The following PHACTR3 variants were observed in gnomAD, a reference collection of about 807,000 sequenced individuals.
PHACTR3 encodes the protein protein phosphatase 1, regulatory subunit 123.
A neutral mutation model predicts 66.8 loss-of-function variants in PHACTR3; 16 were observed. The observed-to-expected ratio is 0.24, with a 90% confidence interval of 0.16 to 0.36. The LOEUF (loss-of-function observed/expected upper bound fraction) is 0.36. Ranked by LOEUF, PHACTR3 falls within the 10% of genes least tolerant of loss-of-function variation. The probability of loss-of-function intolerance (pLI) is 1.00; values close to 1 mark genes in which losing one functional copy is unlikely to be tolerated. For missense variants in PHACTR3, 647 were observed against 719.9 expected, an observed-to-expected ratio of 0.90 and a Z score of 1.16; for synonymous variants, 323 against 292.1, an observed-to-expected ratio of 1.11 and a Z score of -1.08.
Position 59,605,103 on chromosome 20 carries a change from C to T in PHACTR3, c.89C>T (p.Thr30Ile), listed in dbSNP as rs990811078. The change falls in exon 1 of 13, where the codon ACC (threonine) becomes ATC (isoleucine). Residue 30 changes from threonine to isoleucine, a missense_variant. Physicochemically the swap from Thr to Ile is moderately conservative, Grantham distance 89. Around this residue, in one of 2 missense-constraint regions of PHACTR3, gnomAD observed 577 missense variants for 571.1 expected, o/e 1.01. Transcript: ENST00000371015. ...AGCGTCCTCACCGACTCCTCGGCCA[C>T]CTCCTCCGCGGACGCCGGGGAGAAC... ...DPSVLTDSSA[T>I]SSADAGENPD... 4 of 1,394,476 alleles carry T rather than the reference C, an allele frequency of 2.9e-6. No individual in the cohort carries two copies. The highest frequency in any genetic ancestry group is 3.0e-5 in the Admixed American group (1 of 32,848). 86.4% of individuals were successfully genotyped at this position (1,394,476 alleles called of 1,614,324 possible).
chr20:59,604,814 C>A lies in PHACTR3; in HGVS notation c.-201C>A, dbSNP rs1426341463. 4.1e-6 allele frequency: 5 copies of A among 1,209,588 alleles called. No homozygotes were observed. Among genetic ancestry groups the A allele is most frequent in the Non-Finnish European group, 5.1e-6 (5 of 975,738 alleles). The allele number at this position is 1,209,588 out of a possible 1,614,324, so 74.9% of individuals were successfully genotyped here. A position where few individuals can be genotyped will look rare whatever the true frequency, so the allele number is the denominator to read the frequency against. On this transcript the variant is annotated 5_prime_UTR_variant, in exon 1 of 13. Coordinates refer to ENST00000371015, the MANE Select transcript of PHACTR3 (RefSeq NM_080672.5). ...ATGCGCCTGGCTGCAGCCGGCGAGGCTATTGTCTCCCCGCCCTGAAGCCAG... is the reference window on the plus strand; with the variant it reads ...ATGCGCCTGGCTGCAGCCGGCGAGGATATTGTCTCCCCGCCCTGAAGCCAG...
chr20:59,705,142 A>C (rs2037653939), intron 1 of PHACTR3, among the ~76,000 whole-genome samples: 1 of 152,004 alleles, frequency 6.6e-6, no homozygotes, highest in South Asian at 2.1e-4. Context: ...TTTTTGGTAG[A>C]CACGAGGTTT....
At chr20:59,768,289 G>A (rs574151740) in intron 5 of PHACTR3, among the ~76,000 whole-genome samples, 15 of 152,358 alleles carry the variant, frequency 9.8e-5, no homozygotes, top group African/African-American at 2.4e-4. Context: ...AAAGCCTTGC[G>A]TGCTGTCTTT....
intron 1 of PHACTR3, among the ~76,000 whole-genome samples, chr20:59,698,528 C>T (rs867454396): frequency 1.8e-4 from 28 of 152,236 alleles, no homozygotes; most frequent in Middle Eastern, 3.4e-3. Context: ...TCAATACCCT[C>T]CAGTTTTGTG....
intron 1 of PHACTR3, among the ~76,000 whole-genome samples, chr20:59,607,412 A>G (rs1256725249): frequency 6.6e-6 from 1 of 152,156 alleles, no homozygotes; most frequent in Non-Finnish European, 1.5e-5. Context: ...TGAAAATTGA[A>G]CCTGAAGCTC....
chr20:59,583,927 G>A (rs571520846), intron 1 of PHACTR3, among the ~76,000 whole-genome samples: 7 of 152,338 alleles, frequency 4.6e-5, no homozygotes, highest in Admixed American at 2.0e-4. Flanking sequence ...GACGGTTCAC[G>A]CGTGGACATG....
At chr20:59,686,688 GAT>G (rs1490995533) in intron 1 of PHACTR3, among the ~76,000 whole-genome samples, 3 of 151,284 alleles carry the variant, frequency 2.0e-5, no homozygotes, top group South Asian at 2.1e-4. Context: ...TGATGGTGAT[GAT>G]GATGATTGTG....
At position 59,774,295 on chromosome 20, in the gene PHACTR3, C is replaced by T; in HGVS notation, c.979C>T (p.Leu327=). The change falls in exon 7 of 13, where the codon CTG becomes TTG. Residue 327 remains leucine, a synonymous_variant. Coordinates refer to ENST00000371015, the MANE Select transcript of PHACTR3 (RefSeq NM_080672.5). ...GSPKKRLDVR[L]SRTSSVERGK... ...TCCAAAGAAGCGGCTGGATGTCCGT[C>T]TGTCGAGAACGTCCAGCGTGGAGCG... 6.2e-7 allele frequency: 1 copy of T among 1,610,308 alleles called. No homozygotes were observed. The highest frequency in any genetic ancestry group is 8.5e-7 in the Non-Finnish European group (1 of 1,178,760).
At chr20:59,717,594 T>C (rs932101424) in intron 1 of PHACTR3, among the ~76,000 whole-genome samples, 1 of 152,230 alleles carries the variant, frequency 6.6e-6, no homozygotes, top group Non-Finnish European at 1.5e-5. Context: ...GCCTGGTGCA[T>C]GCTCAGGGGT....
At chr20:59,579,986 G>C (rs1035583250) in intron 1 of PHACTR3, among the ~76,000 whole-genome samples, 1 of 152,106 alleles carries the variant, frequency 6.6e-6, no homozygotes, top group Admixed American at 6.5e-5. Context: ...CGCGCATTCC[G>C]TGCTGACCAT....
At chr20:59,825,856 G>A (rs1220023269) in intron 8 of PHACTR3, among the ~76,000 whole-genome samples, 1 of 152,152 alleles carries the variant, frequency 6.6e-6, no homozygotes, top group East Asian at 1.9e-4. Flanking sequence ...TGTACATGGG[G>A]CCTTTGGGAG....
chr20:59,847,172 C>CCAA lies in PHACTR3; in HGVS notation c.*45_*47dup, dbSNP rs1568883512. On this transcript the variant is annotated 3_prime_UTR_variant, in exon 13 of 13. Transcript: ENST00000371015. ...AGAATTTGTGTTTAATTTTTTGATA[C>CCAA]CAACACTGAACATTCATCAGGGAAC... is the stretch of plus-strand genomic sequence containing the variant. The CCAA allele has an allele frequency of 6.9e-7, 1 of 1,441,624 alleles. No individual in the cohort carries two copies. 89.3% of individuals were successfully genotyped at this position (1,441,624 alleles called of 1,614,324 possible).
chr20:59,742,965 C>T lies in PHACTR3; in HGVS notation c.119-142C>T. On this transcript the variant is annotated intron_variant, in intron 1 of 12. Transcript: ENST00000371015. ...TGAGCTGCTGCGGCCACTGTGGGTG[C>T]ACTGCTGGACAACCATCCTGGGGTC... 4 of 899,450 alleles carry T rather than the reference C, an allele frequency of 4.4e-6. No individual in the cohort carries two copies. In the South Asian group the frequency reaches 5.2e-5, roughly 12 times the overall value. The allele number at this position is 899,450 out of a possible 1,614,324, so 55.7% of individuals were successfully genotyped here.
At chr20:59,632,756 A>G (rs1044856786) in intron 1 of PHACTR3, among the ~76,000 whole-genome samples, 2 of 152,206 alleles carry the variant, frequency 1.3e-5, no homozygotes, top group African/African-American at 4.8e-5. Flanking sequence ...CACAGGGCTC[A>G]TGAAAGTGCC....
chr20:59,723,067 TTTCTTTC>T (rs2146687087), intron 1 of PHACTR3, among the ~76,000 whole-genome samples: 1 of 87,362 alleles, frequency 1.1e-5, no homozygotes, highest in African/African-American at 5.0e-5. Flanking sequence ...TTTCTCTTTC[TTTCTTTC>T]TTTCTTTCTT....
At chr20:59,760,484 G>A (rs1299988169) in intron 4 of PHACTR3, among the ~76,000 whole-genome samples, 1 of 152,144 alleles carries the variant, frequency 6.6e-6, no homozygotes, top group East Asian at 1.9e-4. Flanking sequence ...TGTTCTCATG[G>A]TAGTGAATAA....
intron 1 of PHACTR3, among the ~76,000 whole-genome samples, chr20:59,683,008 CT>C (rs1488528772): frequency 9.2e-5 from 14 of 152,302 alleles, no homozygotes; most frequent in African/African-American, 3.4e-4. Context: ...ACTGACCAGC[CT>C]AGCAGTCATT....
At chr20:59,791,876 C>G (rs2041113224) in intron 7 of PHACTR3, among the ~76,000 whole-genome samples, 1 of 151,854 alleles carries the variant, frequency 6.6e-6, no homozygotes, top group South Asian at 2.1e-4. Context: ...CAAAGGAGCC[C>G]CAGTGCTACT....
intron 8 of PHACTR3, among the ~76,000 whole-genome samples, chr20:59,822,069 C>CTTCCCCA (rs1568856247): frequency 7.5e-4 from 71 of 94,358 alleles, no homozygotes; most frequent in African/African-American, 2.8e-3. Context: ...CGATCCGCCC[C>CTTCCCCA]GCAACGATCC....
Sources: allele counts gnomAD v4.1 joint callset (sites outside exome capture counted in the v4.1 genomes callset), GRCh38; gene constraint gnomAD v4.1.1; regional missense constraint gnomAD v4.1.1; transcripts MANE v1.5; gene names NCBI Gene and HGNC (gene_info 2026-07-23, HGNC 2026-07-21).